THADA: variants seen among roughly 807,000 people sequenced by gnomAD.
The protein encoded by THADA is THADA armadillo repeat containing.
Under a neutral mutation model 219.8 loss-of-function variants are expected in THADA, and 213 were observed. That is an observed-to-expected ratio of 0.97 (90% CI 0.87 to 1.09). The LOEUF (loss-of-function observed/expected upper bound fraction) is 1.09. Among genes scored for constraint, THADA ranks in the 50% least tolerant of loss-of-function variants. The pLI, the probability that THADA is intolerant of heterozygous loss-of-function variation, is 0.00. For missense variants in THADA, 2,956 were observed against 2,311.3 expected (o/e 1.28, Z -5.72); for synonymous variants, 1,018 against 828.9 (o/e 1.23, Z -3.92).
At chr2:43,362,891 C>T (rs577779102) in intron 29 of THADA, among the ~76,000 whole-genome samples, 3 of 151,680 alleles carry the variant, frequency 2.0e-5, no homozygotes, top group South Asian at 2.1e-4. Flanking sequence ...TATGTTTTTA[C>T]TTTTTTAACT....
chr2:43,424,832 A>C (rs1310566674), intron 28 of THADA, among the ~76,000 whole-genome samples: 1 of 152,194 alleles, frequency 6.6e-6, no homozygotes, highest in East Asian at 1.9e-4. Flanking sequence ...AACCAGTCCT[A>C]TAACCCCAGG....
chr2:43,581,948 T>C lies in THADA; in HGVS notation c.534-20A>G. 2 of 1,495,910 alleles carry C rather than the reference T, an allele frequency of 1.3e-6. No individual in the cohort carries two copies. The highest frequency in any genetic ancestry group is 8.9e-7 in the Non-Finnish European group (1 of 1,125,794). The allele number at this position is 1,495,910 out of a possible 1,614,324, so 92.7% of individuals were successfully genotyped here. A position where few individuals can be genotyped will look rare whatever the true frequency, so the allele number is the denominator to read the frequency against. On this transcript the variant is annotated intron_variant, in intron 7 of 37. Transcript: ENST00000405975. The stretch of plus-strand genomic sequence containing the variant: ...CATTTTCTATAAAGAAGAAAAGACA[T>C]TATTACAAAAGGAAATTCAAACAAA...
At chr2:43,510,945 T>G (rs1690335833) in intron 22 of THADA, among the ~76,000 whole-genome samples, 1 of 150,860 alleles carries the variant, frequency 6.6e-6, no homozygotes, top group African/African-American at 2.4e-5. Context: ...CACTCTAGCC[T>G]GGGTGACACA....
At chr2:43,308,588 G>A (rs940889661) in intron 31 of THADA, among the ~76,000 whole-genome samples, 3 of 151,934 alleles carry the variant, frequency 2.0e-5, no homozygotes, top group Non-Finnish European at 4.4e-5. Flanking sequence ...TGTAGTCCCA[G>A]TTACTCGGGA....
intron 25 of THADA, among the ~76,000 whole-genome samples, chr2:43,488,911 T>C (rs564164374): frequency 1.3e-5 from 2 of 152,330 alleles, no homozygotes; most frequent in Admixed American, 6.5e-5. Context: ...ATTTCCCTCA[T>C]GACTAATGGT....
chr2:43,566,622 A>G, intron 15 of THADA, 76 bp downstream of exon 15: 1 of 1,522,758 alleles, frequency 6.6e-7, no homozygotes, highest in Non-Finnish European at 9.1e-7. Context: ...TGAAACTTCA[A>G]ATAAAGCAAA....
chr2:43,482,507 A>C (rs937333904), intron 26 of THADA, among the ~76,000 whole-genome samples: 1 of 152,126 alleles, frequency 6.6e-6, no homozygotes, highest in African/African-American at 2.4e-5. Flanking sequence ...TCCAAACCTT[A>C]TTTTACAGAG....
intron 28 of THADA, among the ~76,000 whole-genome samples, chr2:43,402,654 A>G (rs1386954383): frequency 6.6e-6 from 1 of 152,190 alleles, no homozygotes; most frequent in African/African-American, 2.4e-5. Context: ...AGCACAGCAC[A>G]CACTTGGTCA....
At chr2:43,499,172 T>C (rs1475137893) in intron 24 of THADA, among the ~76,000 whole-genome samples, 2 of 152,164 alleles carry the variant, frequency 1.3e-5, no homozygotes, top group Non-Finnish European at 2.9e-5. Context: ...ATAAAAAAGT[T>C]TGATCCAATG....
rs115094837 is a variant in THADA, at chr2:43,517,832, A to C, written c.3375-9052T>G. ...ACAAAGATTTCCCAGGGAGCAAAAA[A>C]TCCAAACTCATCCTGGCTCACAAAG... On this transcript the variant is annotated intron_variant, in intron 22 of 37. Transcript: ENST00000405975. Among the ~76,000 whole-genome samples, 1,124 of 152,274 alleles carry C rather than the reference A, an allele frequency of 7.4e-3. 7 individuals carry two copies. Among genetic ancestry groups the C allele is most frequent in the South Asian group, 0.015 (70 of 4,824 alleles).
intron 28 of THADA, among the ~76,000 whole-genome samples, chr2:43,399,332 T>C (rs1435207264): frequency 1.3e-5 from 2 of 152,214 alleles, no homozygotes; most frequent in African/African-American, 2.4e-5. Flanking sequence ...TACAAAGGAA[T>C]TACTTGGTAA....
rs568591908 is a variant in THADA at position 43,493,462 on chromosome 2, T to A, written c.3744+5371A>T. On this transcript the variant is annotated intron_variant, in intron 25 of 37. Transcript: ENST00000405975. Reference sequence around the variant, plus strand: ...GTGAGATGAGATTATGCCACTGCACTCCAGCCTGGCGACAGAGCAAGACTC... The same window carrying A: ...GTGAGATGAGATTATGCCACTGCACACCAGCCTGGCGACAGAGCAAGACTC... Among the ~76,000 whole-genome samples the A allele has an allele frequency of 2.0e-5, 3 of 152,236 alleles. 1 individual carries two copies. The South Asian group carries it at 6.2e-4, about 32-fold the overall frequency.
intron 14 of THADA, among the ~76,000 whole-genome samples, chr2:43,567,130 C>G (rs1442965116): frequency 2.7e-5 from 4 of 150,674 alleles, no homozygotes; most frequent in Non-Finnish European, 5.9e-5. Flanking sequence ...TTCAACAGCC[C>G]TAGTCTTAAC....
chr2:43,324,457 A>G (rs561795744), intron 30 of THADA, among the ~76,000 whole-genome samples: 21 of 152,252 alleles, frequency 1.4e-4, no homozygotes, highest in South Asian at 8.3e-4. Context: ...TGGGGCCACA[A>G]AGGAGTCCAT....
chr2:43,552,449 C>G (rs1446138423), intron 17 of THADA, 110 bp from the exon 18 acceptor site: 2 of 1,183,258 alleles, frequency 1.7e-6, no homozygotes, highest in East Asian at 5.1e-5. Flanking sequence ...GAACTTTACA[C>G]TAGAGTTTTT....
chr2:43,492,067 C>G (rs1485169560), intron 25 of THADA: 1 of 152,226 alleles, frequency 6.6e-6, no homozygotes. Flanking sequence ...AATCCCAGCA[C>G]TTTGGGAGGC....
At chr2:43,585,041 G>A (rs12473987) in intron 7 of THADA, among the ~76,000 whole-genome samples, 26,471 of 152,028 alleles carry the variant, frequency 0.17, 3,046 homozygotes, top group African/African-American at 0.33. Flanking sequence ...AGAGTCTTCC[G>A]TGGCAAATCC....
At chr2:43,447,744 G>C (rs946425495) in intron 26 of THADA, among the ~76,000 whole-genome samples, 4 of 152,092 alleles carry the variant, frequency 2.6e-5, no homozygotes, top group Admixed American at 2.0e-4. Context: ...CTTAAGACTA[G>C]TTTTACCTAG....
chr2:43,233,377 T>C (rs1235160204), intron 36 of THADA: 3 of 153,300 alleles, frequency 2.0e-5, no homozygotes, highest in Admixed American at 1.9e-4. Flanking sequence ...CCTCCTCACC[T>C]CGGCTGAAAG....
Sources: allele counts gnomAD v4.1 joint callset (sites outside exome capture counted in the v4.1 genomes callset), GRCh38; gene constraint gnomAD v4.1.1; transcripts MANE v1.5; gene names NCBI Gene and HGNC (gene_info 2026-07-23, HGNC 2026-07-21).